Variants in PCID2 observed in about 807,000 individuals in gnomAD.
The protein encoded by PCID2 is PCI domain-containing protein 2.
In PCID2, 41 loss-of-function variants were observed where a neutral mutation model predicts 61.3. That is an observed-to-expected ratio of 0.67 (90% confidence interval 0.52 to 0.87). The LOEUF is 0.87. Ranked by LOEUF, PCID2 falls within the 40% of genes least tolerant of loss-of-function variation. The pLI is 0.00. For missense variants in PCID2, 392 were observed against 493.4 expected, an observed-to-expected ratio of 0.79 and a Z score of 1.95; for synonymous variants, 187 against 177.8, an observed-to-expected ratio of 1.05 and a Z score of -0.41.
At chr13:113,203,283 G>A (rs939812530) in intron 1 of PCID2, among the ~76,000 whole-genome samples, 1 of 152,196 alleles carries the variant, frequency 6.6e-6, no homozygotes, top group African/African-American at 2.4e-5. Flanking sequence ...CAGCCCTCCT[G>A]CCCCAGTCCA....
intron 13 of PCID2, 171 bp from the exon 14 acceptor site, chr13:113,178,458 G>A (rs2037308576): frequency 3.8e-6 from 2 of 531,596 alleles, no homozygotes; most frequent in Admixed American, 6.5e-5. Context: ...CTATATCCAC[G>A]GTGGGTTTCA....
At chr13:113,208,025 A>G in intron 1 of PCID2, 1 of 1,612,308 alleles carries the variant, frequency 6.2e-7, no homozygotes, top group Non-Finnish European at 8.5e-7. Flanking sequence ...GCTACTTACA[A>G]GCTGTTGAAC....
chr13:113,176,464 C>G, downstream of PCID2, among the ~76,000 whole-genome samples: 2 of 152,306 alleles, frequency 1.3e-5, 1 homozygote, highest in Non-Finnish European at 2.9e-5. Flanking sequence ...GAACTGTGGC[C>G]TTATAAGAGG....
At chr13:113,200,005 C>A (rs1360063246) in intron 2 of PCID2, among the ~76,000 whole-genome samples, 1 of 152,224 alleles carries the variant, frequency 6.6e-6, no homozygotes, top group Non-Finnish European at 1.5e-5. Flanking sequence ...ACATCATCTA[C>A]GCCACAGATG....
chr13:113,205,206 G>A (rs993293791), intron 1 of PCID2, among the ~76,000 whole-genome samples: 2 of 152,158 alleles, frequency 1.3e-5, no homozygotes, highest in African/African-American at 4.8e-5. Context: ...ACTCAAAGCT[G>A]ATTCCCTAAA....
intron 4 of PCID2, among the ~76,000 whole-genome samples, chr13:113,196,820 T>C (rs1369171854): frequency 6.6e-6 from 1 of 152,250 alleles, no homozygotes; most frequent in Non-Finnish European, 1.5e-5. Context: ...CTGAGGCCAC[T>C]CTTGTCCATC....
At chr13:113,191,914 C>A (rs1157075761) in intron 6 of PCID2, among the ~76,000 whole-genome samples, 2 of 152,194 alleles carry the variant, frequency 1.3e-5, no homozygotes, top group Non-Finnish European at 2.9e-5. Flanking sequence ...AGACACTCTG[C>A]AATCAATCAG....
chr13:113,194,126 G>A (rs763338619), intron 6 of PCID2, among the ~76,000 whole-genome samples: 15 of 152,182 alleles, frequency 9.9e-5, no homozygotes, highest in Non-Finnish European at 1.9e-4. Flanking sequence ...TGGGGAGGGG[G>A]ACTAGCTCCT....
chr13:113,208,662 C>T lies in PCID2; in HGVS notation c.-28G>A. 1 of 1,599,466 alleles carries T rather than the reference C, an allele frequency of 6.3e-7. No homozygotes were observed. ...GAGCGCCGCCGAACGGAGAGCGCCA[C>T]CCCCTACGCCTCAAGCGGGCCAGCT... On this transcript the variant is annotated 5_prime_UTR_variant, in exon 1 of 14. In the 5' UTR this introduces an upstream ATG that the reference lacks. Transcript: ENST00000337344.
In PCID2 at chr13:113,181,162, G is replaced by A; in HGVS notation, c.754C>T (p.Leu252=). Residue 252 remains leucine (L), a synonymous_variant, in exon 10 of 14, where the codon CTG becomes TTG. Transcript: ENST00000337344. ...ATTTTTACTGGAAGCAAATAGATCA[G>A]AATCATCCTTTTGTTCTTCTGACTA... is the stretch of plus-strand genomic sequence containing the variant. The part of the protein sequence containing the change: ...RSSQKNKRMI[L]IYLLPVKMLL... 2.5e-6 allele frequency: 4 copies of A among 1,612,400 alleles called. No individual in the cohort carries two copies. The highest frequency in any genetic ancestry group is 3.4e-6 in the Non-Finnish European group (4 of 1,178,448).
At chr13:113,187,673 A>C (rs1259793619) in intron 7 of PCID2, 1 of 152,200 alleles carries the variant, frequency 6.6e-6, no homozygotes, top group Non-Finnish European at 1.5e-5. Flanking sequence ...CAAATTCTTT[A>C]AACATTTTAA....
chr13:113,187,584 A>G (rs1486858566), intron 7 of PCID2: 1 of 152,194 alleles, frequency 6.6e-6, no homozygotes, highest in Non-Finnish European at 1.5e-5. Flanking sequence ...ATTGGTGACT[A>G]AGTCACTGGT....
chr13:113,192,688 G>A (rs562857024), intron 6 of PCID2, among the ~76,000 whole-genome samples: 8 of 152,288 alleles, frequency 5.3e-5, no homozygotes, highest in African/African-American at 1.7e-4. Flanking sequence ...CCCTGGAGAT[G>A]TTAAGGAAGG....
the PCID2 span, among the ~76,000 whole-genome samples, chr13:113,168,873 T>C: frequency 6.6e-6 from 1 of 152,018 alleles, no homozygotes; most frequent in African/African-American, 2.4e-5. Context: ...GGACCATAGG[T>C]GTGCACGACC....
At chr13:113,197,394 G>A in intron 3 of PCID2, 151 bp from the exon 4 acceptor site, 2 of 638,556 alleles carry the variant, frequency 3.1e-6, no homozygotes, top group Non-Finnish European at 5.6e-6. Flanking sequence ...ACAAACAGGT[G>A]AGGATAAGAG....
chr13:113,173,184 T>C (rs1253595498), downstream of PCID2, among the ~76,000 whole-genome samples: 1 of 152,158 alleles, frequency 6.6e-6, no homozygotes, highest in Admixed American at 6.5e-5. Flanking sequence ...ACCCAGTCCA[T>C]GGTATTTTGT....
At chr13:113,183,652 G>T in intron 9 of PCID2, 1 of 438,418 alleles carries the variant, frequency 2.3e-6, no homozygotes, top group Non-Finnish European at 3.0e-6. Flanking sequence ...ACTTGGGACT[G>T]TGTGCTCCAC....
intron 2 of PCID2, among the ~76,000 whole-genome samples, chr13:113,199,673 C>T (rs552843356): frequency 2.0e-5 from 3 of 152,302 alleles, no homozygotes; most frequent in Middle Eastern, 3.4e-3. Context: ...CTGGCCAAGG[C>T]AAGCCTGAGT....
chr13:113,175,658 C>T (rs918869364), downstream of PCID2, among the ~76,000 whole-genome samples: 24 of 152,202 alleles, frequency 1.6e-4, no homozygotes, highest in African/African-American at 5.3e-4. Flanking sequence ...GCACTTGTCA[C>T]GACTGCCAGC....
Sources: allele counts gnomAD v4.1 joint callset (sites outside exome capture counted in the v4.1 genomes callset), GRCh38; gene constraint gnomAD v4.1.1; transcripts MANE v1.5; gene names NCBI Gene and HGNC (gene_info 2026-07-23, HGNC 2026-07-21).